Variants in BRCA2 observed in about 807,000 individuals in gnomAD.
BRCA2 encodes the protein breast cancer type 2 susceptibility protein.
BRCA2 carries 203 observed loss-of-function variants against 276.7 expected under a neutral mutation model. The observed-to-expected ratio is 0.73, with a 90% CI of 0.65 to 0.82. BRCA2 has a LOEUF of 0.82. Ranked by LOEUF, BRCA2 falls within the 40% of genes least tolerant of loss-of-function variation. The pLI, the probability that BRCA2 is intolerant of heterozygous loss-of-function variation, is 0.00. For missense variants in BRCA2, 3,920 were observed against 3,915.0 expected (o/e 1.00, Z -0.03); for synonymous variants, 1,289 against 1,338.4 (o/e 0.96, Z 0.81).
chr13:32,342,928 A>C (rs1362311588), intron 11 of BRCA2, among the ~76,000 whole-genome samples: 1 of 152,122 alleles, frequency 6.6e-6, no homozygotes, highest in African/African-American at 2.4e-5. Flanking sequence ...ACACGCCTGT[A>C]ATCCCAGCTA....
At chr13:32,372,537 A>G (rs1221169878) in intron 20 of BRCA2, among the ~76,000 whole-genome samples, 1 of 152,092 alleles carries the variant, frequency 6.6e-6, no homozygotes, top group Non-Finnish European at 1.5e-5. Context: ...ATCAGATCTC[A>G]TAAGAACTCC....
intron 24 of BRCA2, among the ~76,000 whole-genome samples, chr13:32,386,578 G>C (rs1352800171): frequency 1.1e-5 from 1 of 93,434 alleles, no homozygotes; most frequent in Non-Finnish European, 2.4e-5. Context: ...AAAACCATTT[G>C]TATGAAGCAG....
At chr13:32,360,866 T>C (rs2072733642) in intron 16 of BRCA2, among the ~76,000 whole-genome samples, 1 of 152,122 alleles carries the variant, frequency 6.6e-6, no homozygotes, top group African/African-American at 2.4e-5. Flanking sequence ...AAGGATTAGA[T>C]ATAAAACGTG....
At chr13:32,352,428 T>C (rs1420780671) in intron 13 of BRCA2, among the ~76,000 whole-genome samples, 2 of 152,202 alleles carry the variant, frequency 1.3e-5, no homozygotes, top group Non-Finnish European at 2.9e-5. Context: ...CTCAGATTGC[T>C]AGCCTGGGAA....
chr13:32,363,050 C>T, intron 17 of BRCA2, 129 bp from the exon 18 acceptor site: 2 of 842,376 alleles, frequency 2.4e-6, no homozygotes, highest in Non-Finnish European at 3.7e-6. Context: ...TTCCTAGCTA[C>T]AAAATTTTTA....
intron 24 of BRCA2, among the ~76,000 whole-genome samples, chr13:32,390,014 C>A (rs549121158): frequency 6.6e-6 from 1 of 152,298 alleles, no homozygotes; most frequent in South Asian, 2.1e-4. Context: ...TCTTAATCAC[C>A]AGATTTTAAA....
chr13:32,355,924 C>CT (rs2137560529), intron 14 of BRCA2, among the ~76,000 whole-genome samples: 1 of 151,854 alleles, frequency 6.6e-6, no homozygotes, highest in Admixed American at 6.6e-5. Flanking sequence ...ATTTATACAG[C>CT]TTTACAAGTT....
At chr13:32,361,236 T>C (rs2072735744) in intron 16 of BRCA2, among the ~76,000 whole-genome samples, 1 of 152,296 alleles carries the variant, frequency 6.6e-6, no homozygotes, top group African/African-American at 2.4e-5. Context: ...TTTTAGGGAA[T>C]AGAAAATGAC....
At position 32,333,021 on chromosome 13, in the gene BRCA2, A is replaced by G. The variant is rs749469486; in HGVS notation, c.1543A>G (p.Thr515Ala). The stretch of plus-strand genomic sequence containing the variant: ...CAGAATAAGAGAATCACCTAAAGAG[A>G]CTTTCAATGCAAGTTTTTCAGGTCA... The part of the protein sequence containing the change: ...IFRIRESPKE[T>A]FNASFSGHMT... The change falls in exon 10 of 27, where the codon ACT becomes GCT. Residue 515 changes from threonine (T) to alanine (A), a missense_variant. By Grantham distance (58) the Thr-to-Ala change is moderately conservative (BLOSUM62 0). Transcript: ENST00000380152. 1.9e-6 allele frequency: 3 copies of G among 1,595,534 alleles called. No individual in the cohort carries two copies. In the African/African-American group the frequency reaches 4.1e-5, roughly 22 times the overall value.
chr13:32,316,278 A>G (rs2072257949), intron 1 of BRCA2, 144 bp from the exon 2 acceptor site: 1 of 660,594 alleles, frequency 1.5e-6, no homozygotes, highest in African/African-American at 1.8e-5. Context: ...AAATGTTCCC[A>G]TCCTCACAGT....
intron 13 of BRCA2, among the ~76,000 whole-genome samples, chr13:32,350,368 T>C (rs1302634935): frequency 6.6e-6 from 1 of 152,166 alleles, no homozygotes; most frequent in African/African-American, 2.4e-5. Flanking sequence ...TAGATGTGAA[T>C]AAACAGTAAG....
rs11571591 is a variant in BRCA2, at chr13:32,320,601, G to A, written c.316+1276G>A. Reference sequence around the variant, plus strand: ...TGAGAAATACTTCCTGTCTGCCCTCGTTGAGCTTCTAGTGAAGGAGACATA... The same window carrying A: ...TGAGAAATACTTCCTGTCTGCCCTCATTGAGCTTCTAGTGAAGGAGACATA... On this transcript the variant is annotated intron_variant, in intron 3 of 26. Coordinates refer to ENST00000380152, the MANE Select transcript of BRCA2 (RefSeq NM_000059.4). Among the ~76,000 whole-genome samples the A allele has an allele frequency of 0.045, 6,787 of 152,166 alleles. 235 individuals carry two copies. The highest frequency in any genetic ancestry group is 0.1 in the South Asian group (494 of 4,820).
intron 24 of BRCA2, among the ~76,000 whole-genome samples, chr13:32,381,909 G>C (rs1021188725): frequency 3.2e-4 from 49 of 152,316 alleles, no homozygotes; most frequent in African/African-American, 1.2e-3. Flanking sequence ...GACGGTGCAG[G>C]ATGGTCTGAA....
rs748757085 is a variant in BRCA2, at chr13:32,336,581, A to G, written c.2226A>G (p.Gln742=). 6.2e-6 allele frequency: 10 copies of G among 1,614,000 alleles called. No homozygotes were observed. Among genetic ancestry groups the G allele is most frequent in the South Asian group, 2.2e-5 (2 of 91,082 alleles). The change falls in exon 11 of 27, where the codon CAA becomes CAG. Residue 742 remains glutamine, a synonymous_variant. Coordinates refer to ENST00000380152, the MANE Select transcript of BRCA2 (RefSeq NM_000059.4). The part of the protein sequence containing the change: ...EVLAAACHPV[Q]HSKVEYSDTD... ...TGGCTGCAGCATGTCACCCAGTACA[A>G]CATTCAAAAGTGGAATACAGTGATA...
intron 13 of BRCA2, among the ~76,000 whole-genome samples, chr13:32,349,409 G>A (rs2072632682): frequency 1.3e-5 from 2 of 152,070 alleles, no homozygotes; most frequent in South Asian, 4.1e-4. Flanking sequence ...GCTGGTGGTG[G>A]GGACAGCAGA....
At chr13:32,315,157 G>A (rs2072241138), upstream of BRCA2, among the ~76,000 whole-genome samples, 1 of 152,116 alleles carries the variant, frequency 6.6e-6, no homozygotes, top group Non-Finnish European at 1.5e-5. Flanking sequence ...TCAGAACAAA[G>A]GTATTTCATA....
intron 20 of BRCA2, among the ~76,000 whole-genome samples, chr13:32,372,159 G>C (rs934384813): frequency 2.6e-5 from 4 of 152,206 alleles, no homozygotes; most frequent in Non-Finnish European, 5.9e-5. Context: ...TGGTAGAACT[G>C]CTTTCATAAT....
At chr13:32,323,306 C>T (rs1860815208) in intron 3 of BRCA2, among the ~76,000 whole-genome samples, 2 of 152,146 alleles carry the variant, frequency 1.3e-5, no homozygotes, top group Admixed American at 6.5e-5. Flanking sequence ...GCACCCGCCA[C>T]CACACCTGGC....
chr13:32,337,856 A>G lies in BRCA2; in HGVS notation c.3501A>G (p.Ile1167Met), dbSNP rs1593899752. ...GCAGAGATGCTGATCTTCATGTCAT[A>G]ATGAATGCCCCATCGATTGGTCAGG... ...EECRDADLHVIMNAPSIGQVD... is the reference protein window; with the variant it reads ...EECRDADLHVMMNAPSIGQVD... The change falls in exon 11 of 27, where the codon ATA becomes ATG. Residue 1167 changes from isoleucine (I) to methionine (M), a missense_variant. Ile to Met is a conservative substitution (Grantham distance 10). This residue lies in a region of BRCA2 where 3,263 missense variants were observed against 3,156.9 expected (regional missense o/e 1.03). Coordinates refer to ENST00000380152, the MANE Select transcript of BRCA2 (RefSeq NM_000059.4). 1.2e-6 allele frequency: 2 copies of G among 1,614,106 alleles called. No homozygotes were observed. Among genetic ancestry groups the G allele is most frequent in the East Asian group, 4.5e-5 (2 of 44,878 alleles).
Sources: gnomAD v4.1 joint callset for allele counts (sites outside exome capture counted in the v4.1 genomes callset) on GRCh38, gnomAD v4.1.1 for gene constraint, gnomAD v4.1.1 regional missense constraint, MANE v1.5 for transcripts, NCBI Gene and HGNC (gene_info 2026-07-23, HGNC 2026-07-21) for gene names.